Variants in SEC16A observed in about 807,000 individuals in gnomAD.
SEC16A encodes protein transport protein Sec16A.
In SEC16A, 110 loss-of-function variants were observed where a neutral mutation model predicts 221.9. The ratio of observed to expected loss-of-function variants is 0.50; its 90% confidence interval spans 0.42 to 0.58. SEC16A has a LOEUF of 0.58. Among genes scored for constraint, SEC16A ranks in the 20% least tolerant of loss-of-function variants. The pLI, the probability that SEC16A is intolerant of heterozygous loss-of-function variation, is 0.00. For synonymous variants in SEC16A, 1,393 were observed against 1,257.7 expected (o/e 1.11, Z -2.28); for missense variants, 3,165 against 3,097.8 (o/e 1.02, Z -0.52).
intron 9 of SEC16A, among the ~76,000 whole-genome samples, chr9:136,464,150 C>A (rs1653554542): frequency 6.7e-6 from 1 of 150,126 alleles, no homozygotes; most frequent in African/African-American, 2.4e-5. Context: ...ACCAATAAAG[C>A]AAACATCCCC....
intron 9 of SEC16A, 76 bp from the exon 10 acceptor site, chr9:136,463,816 G>A (rs1588953528): frequency 5.9e-6 from 9 of 1,517,604 alleles, no homozygotes; most frequent in Admixed American, 5.0e-5. Context: ...ACCCAGGCAC[G>A]GATGCTGCCC....
At chr9:136,460,244 CCTG>C in intron 13 of SEC16A, 121 bp from the exon 14 acceptor site, 1 of 696,722 alleles carries the variant, frequency 1.4e-6, no homozygotes, top group Non-Finnish European at 2.5e-6. Context: ...GGGCGGATCA[CCTG>C]AGGTCAGAAG....
At position 136,459,477 on chromosome 9, in the gene SEC16A, G is replaced by A; in HGVS notation, c.5270C>T (p.Thr1757Ile). 1 of 1,607,872 alleles carries A rather than the reference G, an allele frequency of 6.2e-7. No individual in the cohort carries two copies. Among genetic ancestry groups the A allele is most frequent in the Non-Finnish European group, 8.5e-7 (1 of 1,176,854 alleles). Residue 1757 changes from threonine to isoleucine, a missense_variant, in exon 16 of 32, where the codon ACT becomes ATT. By Grantham distance (89) the Thr-to-Ile change is moderately conservative. Around this residue, in one of 3 missense-constraint regions of SEC16A, gnomAD observed 1,088 missense variants for 1,089.6 expected, o/e 1.00. Transcript: ENST00000684901. This position sits in a 1 kb window ranked among gnomAD's most constrained non-coding sequence, Gnocchi z 6.1. ...GGATCCGATTAAGACAAGCTTTGTA[G>A]TTTTCTTCGTGTAAACACCAAATCC... ...QAGFGVYTKKTTKLVLIGSNH... is the reference protein window; with the variant it reads ...QAGFGVYTKKITKLVLIGSNH...
chr9:136,459,868 C>T lies in SEC16A; in HGVS notation c.5080G>A (p.Gly1694Arg), dbSNP rs1371056934. The T allele has an allele frequency of 1.9e-6, 3 of 1,612,894 alleles. No homozygotes were observed. The highest frequency in any genetic ancestry group is 4.5e-5 in the East Asian group (2 of 44,868). The change falls in exon 15 of 32, where the codon GGA becomes AGA. Residue 1694 changes from glycine (G) to arginine (R), a missense_variant. By Grantham distance (125) the Gly-to-Arg change is moderately radical. This residue lies in a region of SEC16A where 1,088 missense variants were observed against 1,089.6 expected (regional missense o/e 1.00). Transcript: ENST00000684901. The surrounding 1 kb of genome is among the most constrained non-coding windows in gnomAD (Gnocchi z 6.1). Reference protein sequence around the residue: ...GRMPAASTCCGDEKWGDWRPH... With the variant: ...GRMPAASTCCRDEKWGDWRPH... ...CTCCAATCTCCCCATTTCTCGTCTC[C>T]ACAGCACTAACATGAGGAAAAACAA...
At position 136,476,058 on chromosome 9, in the gene SEC16A, T is replaced by C. The variant is rs1564535642; in HGVS notation, c.1558A>G (p.Ser520Gly). Reference protein sequence around the residue: ...DATLHTVHPDSVSSSYSSRSH... With the variant: ...DATLHTVHPDGVSSSYSSRSH... ...CTGCTGCTATAGCTGGATGACACGCTGTCAGGGTGCACTGTATGCAGTGTG... is the reference window on the plus strand; with the variant it reads ...CTGCTGCTATAGCTGGATGACACGCCGTCAGGGTGCACTGTATGCAGTGTG... The change falls in exon 3 of 32, where the codon AGC (serine) becomes GGC (glycine). Residue 520 changes from serine to glycine, a missense_variant. Ser to Gly is a moderately conservative substitution (Grantham distance 56). This residue lies in a region of SEC16A where 2,030 missense variants were observed against 1,923.1 expected (regional missense o/e 1.06). Transcript: ENST00000684901. 4.3e-6 allele frequency: 7 copies of C among 1,613,504 alleles called. No individual in the cohort carries two copies. The highest frequency in any genetic ancestry group is 3.3e-5 in the South Asian group (3 of 91,084).
In SEC16A at chr9:136,476,803, G is replaced by A; in HGVS notation, c.813C>T (p.Pro271=). The part of the protein sequence containing the change: ...GHEQHSPLVA[P]PAALPSDGRD... The stretch of plus-strand genomic sequence containing the variant: ...TTCCGTCACTGGGCAAGGCTGCTGG[G>A]GGAGCCACCAGAGGGCTGTGTTGCT... Residue 271 remains proline, a synonymous_variant, in exon 3 of 32, where the codon CCC becomes CCT. Coordinates refer to ENST00000684901, the MANE Select transcript of SEC16A (RefSeq NM_014866.2). The A allele has an allele frequency of 6.2e-7, 1 of 1,611,572 alleles. No individual in the cohort carries two copies. The highest frequency in any genetic ancestry group is 1.1e-5 in the South Asian group (1 of 90,940).
intron 31 of SEC16A, among the ~76,000 whole-genome samples, chr9:136,443,541 G>C (rs1054728318): frequency 6.6e-6 from 1 of 152,190 alleles, no homozygotes; most frequent in Non-Finnish European, 1.5e-5. Flanking sequence ...AATTTGCCAG[G>C]TGTGCTGACC....
Position 136,456,178 on chromosome 9 carries a change from C to T in SEC16A, c.5551-12G>A, listed in dbSNP as rs1016389752. ...AACTGGGAAGCCATCTAGACACGGG[C>T]AAAAATCAAAGGCCCCTGTCACCAC... is the stretch of plus-strand genomic sequence containing the variant. On this transcript the variant is annotated splice_polypyrimidine_tract_variant and intron_variant, in intron 18 of 31. Coordinates refer to ENST00000684901, the MANE Select transcript of SEC16A (RefSeq NM_014866.2). 6.3e-7 allele frequency: 1 copy of T among 1,599,352 alleles called. No homozygotes were observed. Among genetic ancestry groups the T allele is most frequent in the African/African-American group, 1.3e-5 (1 of 74,534 alleles).
At chr9:136,471,786 G>A (rs570463619) in intron 4 of SEC16A, among the ~76,000 whole-genome samples, 189 bp downstream of exon 4, 1 of 152,358 alleles carries the variant, frequency 6.6e-6, no homozygotes, top group Admixed American at 6.5e-5. Flanking sequence ...CTGGGGCAGT[G>A]TTTAATTTCA....
At chr9:136,453,069 CAAAAAAAAAAA>C (rs372314249) in intron 22 of SEC16A, among the ~76,000 whole-genome samples, 1 of 64,842 alleles carries the variant, frequency 1.5e-5, no homozygotes, top group Admixed American at 1.4e-4. Context: ...GAATCTGTCT[CAAAAAAAAAAA>C]AAAGAAAAAA....
rs769671525 is a variant in SEC16A, at chr9:136,457,561, G to A, written c.5433C>T (p.Cys1811=). ...TGGCCAGCCCCATTTCCGCCAGGCG[G>A]CAGGAGTAGATGAACTTAAACACCT... ...SFQVFKFIYS[C]RLAEMGLATQ... The change falls in exon 18 of 32, where the codon TGC becomes TGT. Residue 1811 remains cysteine (C), a synonymous_variant. Transcript: ENST00000684901. 8 of 1,611,040 alleles carry A rather than the reference G, an allele frequency of 5.0e-6. No individual in the cohort carries two copies. In the Admixed American group the frequency reaches 1.2e-4, roughly 24 times the overall value.
chr9:136,445,652 C>A lies in SEC16A; in HGVS notation c.6860G>T (p.Gly2287Val). ...LPSSRPEGSQ[G>V]GELSRCSSMS... ...GGCGTCGGCACTCCTTACCTCTCCT[C>A]CCTGGGAACCCTCAGGCCTGGAGGA... The change falls in exon 29 of 32, where the codon GGA (glycine) becomes GTA (valine). Residue 2287 changes from glycine (G) to valine (V), a missense_variant. Physicochemically the swap from Gly to Val is moderately radical, Grantham distance 109 (BLOSUM62 -3). Transcript: ENST00000684901. 6.4e-7 allele frequency: 1 copy of A among 1,550,740 alleles called. No homozygotes were observed. Among genetic ancestry groups the A allele is most frequent in the East Asian group, 2.4e-5 (1 of 40,984 alleles).
chr9:136,463,208 A>G (rs1158617741), intron 11 of SEC16A, 76 bp from the exon 12 acceptor site: 3 of 1,565,796 alleles, frequency 1.9e-6, no homozygotes, highest in South Asian at 1.2e-5. Flanking sequence ...ACAGGCACAA[A>G]GCCCCACCCT....
chr9:136,458,980 A>G (rs1006387779), intron 17 of SEC16A, among the ~76,000 whole-genome samples, 154 bp downstream of exon 17: 2 of 152,232 alleles, frequency 1.3e-5, no homozygotes, highest in Non-Finnish European at 2.9e-5. Context: ...CTTGTTTCTT[A>G]GCATTTTAGA....
chr9:136,447,913 C>T lies in SEC16A; in HGVS notation c.6391-4G>A, dbSNP rs1360384284. On this transcript the variant is annotated splice_region_variant and splice_polypyrimidine_tract_variant and intron_variant, in intron 24 of 31. Coordinates refer to ENST00000684901, the MANE Select transcript of SEC16A (RefSeq NM_014866.2). This position sits in a 1 kb window ranked among gnomAD's most constrained non-coding sequence, Gnocchi z 5.5. ...TTTTCTTTTCATCCCAAACAATCTG[C>T]CAAGATTTTAAAAAGAAAAAAGGTC... 1.2e-6 allele frequency: 2 copies of T among 1,605,306 alleles called. No homozygotes were observed. Among genetic ancestry groups the T allele is most frequent in the South Asian group, 1.1e-5 (1 of 89,620 alleles).
upstream of SEC16A, chr9:136,483,453 GGCCGTCCTT>G: frequency 2.4e-6 from 1 of 414,936 alleles, no homozygotes; most frequent in Non-Finnish European, 2.7e-6. Flanking sequence ...CCCGCCCCTC[GGCCGTCCTT>G]CCCCGCCCGT....
intron 30 of SEC16A, 24 bp downstream of exon 30, chr9:136,445,028 G>C (rs1448035949): frequency 6.3e-7 from 1 of 1,595,772 alleles, no homozygotes; most frequent in Middle Eastern, 1.7e-4. Context: ...TCTCATGTTA[G>C]TGAGGACCAC....
At chr9:136,442,622 A>C (rs1395549443) in intron 31 of SEC16A, among the ~76,000 whole-genome samples, 1 of 152,262 alleles carries the variant, frequency 6.6e-6, no homozygotes, top group Admixed American at 6.5e-5. Flanking sequence ...GAAACATTCT[A>C]GAACACTCCC....
intron 12 of SEC16A, 125 bp downstream of exon 12, chr9:136,462,762 G>T: frequency 1.9e-6 from 2 of 1,063,864 alleles, no homozygotes; most frequent in Non-Finnish European, 2.6e-6. Context: ...AAGACCCGAA[G>T]CCCCACACTG....
Sources: allele counts gnomAD v4.1 joint callset (sites outside exome capture counted in the v4.1 genomes callset), GRCh38; gene constraint gnomAD v4.1.1; regional missense constraint gnomAD v4.1.1; non-coding constraint Gnocchi (gnomAD v3.1); transcripts MANE v1.5; gene names NCBI Gene and HGNC (gene_info 2026-07-23, HGNC 2026-07-21).